The following TRPC3 variants were observed in gnomAD, a reference collection of about 807,000 sequenced individuals.
TRPC3 encodes the protein transient receptor potential cation channel subfamily C member 3.
TRPC3 carries 54 observed loss-of-function variants against 90.9 expected under a neutral mutation model. The observed-to-expected ratio is 0.59, with a 90% CI of 0.48 to 0.75. The LOEUF (loss-of-function observed/expected upper bound fraction) is 0.75, where lower values mean the gene tolerates loss of function less well. Ranked by LOEUF, TRPC3 falls within the 30% of genes least tolerant of loss-of-function variation. TRPC3 has a pLI of 0.00. For synonymous variants in TRPC3, 424 were observed against 450.9 expected (o/e 0.94, Z 0.75); for missense variants, 918 against 1,194.5 (o/e 0.77, Z 3.41).
At chr4:121,945,718 G>A (rs1201206947) in intron 1 of TRPC3, among the ~76,000 whole-genome samples, 1 of 152,148 alleles carries the variant, frequency 6.6e-6, no homozygotes, top group Non-Finnish European at 1.5e-5. Context: ...CACCCCTATG[G>A]GAGATAGGAT....
intron 1 of TRPC3, among the ~76,000 whole-genome samples, chr4:121,934,045 T>A (rs1730048195): frequency 1.3e-5 from 2 of 152,240 alleles, no homozygotes; most frequent in Admixed American, 1.3e-4. Context: ...GCACTAATTG[T>A]ACATCCAGAT....
In TRPC3 at chr4:121,932,146, T is replaced by C; in HGVS notation, c.987+125A>G. The C allele has an allele frequency of 7.0e-7, 1 of 1,427,112 alleles. No homozygotes were observed. 88.4% of individuals were successfully genotyped at this position (1,427,112 alleles called of 1,614,324 possible). On this transcript the variant is annotated intron_variant, in intron 2 of 11. Coordinates refer to ENST00000379645, the MANE Select transcript of TRPC3 (RefSeq NM_001130698.2). The surrounding 1 kb of genome is among the most constrained non-coding windows in gnomAD (Gnocchi z 7.7). ...GATGAGGTCTGAATGACGTTCTCAGTCCCTCGTGATTTCACATTCACTGGG... is the reference window on the plus strand; with the variant it reads ...GATGAGGTCTGAATGACGTTCTCAGCCCCTCGTGATTTCACATTCACTGGG...
At chr4:121,888,738 T>C (rs887080531) in intron 10 of TRPC3, among the ~76,000 whole-genome samples, 5 of 152,186 alleles carry the variant, frequency 3.3e-5, no homozygotes, top group Non-Finnish European at 7.4e-5. Context: ...TTACCTATTA[T>C]AATCAGGCTG....
At chr4:121,947,957 A>G (rs1236879644) in intron 1 of TRPC3, among the ~76,000 whole-genome samples, 1 of 152,036 alleles carries the variant, frequency 6.6e-6, no homozygotes, top group African/African-American at 2.4e-5. Context: ...CATCGATGTT[A>G]TTTCTTGCTG....
At chr4:121,883,925 T>G (rs929383639) in intron 10 of TRPC3, among the ~76,000 whole-genome samples, 1 of 152,126 alleles carries the variant, frequency 6.6e-6, no homozygotes, top group Non-Finnish European at 1.5e-5. Context: ...AGAAGTCCAC[T>G]TCTCAGTAAA....
intron 1 of TRPC3, among the ~76,000 whole-genome samples, chr4:121,944,707 A>G (rs1730430305): frequency 6.6e-6 from 1 of 151,914 alleles, no homozygotes; most frequent in African/African-American, 2.4e-5. Flanking sequence ...CTTTCCCCTT[A>G]CTCTTAGACC....
At chr4:121,904,698 A>G (rs527418494) in intron 7 of TRPC3, among the ~76,000 whole-genome samples, 181 bp from the exon 8 acceptor site, 2 of 152,282 alleles carry the variant, frequency 1.3e-5, no homozygotes, top group East Asian at 1.9e-4. Context: ...TCAGGTTTTC[A>G]GGAACTGATG....
intron 3 of TRPC3, among the ~76,000 whole-genome samples, chr4:121,919,140 A>G (rs892218737): frequency 3.3e-5 from 5 of 152,258 alleles, no homozygotes; most frequent in African/African-American, 1.2e-4. Context: ...AGAACAACTG[A>G]AATGTTTTTT....
chr4:121,914,785 T>C lies in TRPC3; in HGVS notation c.1336A>G (p.Ser446Gly). ...TAGATGTAGAAAGCAAGTACCCTGC[T>C]GCAAGGTGCGATCCAGTAGCCAATG... is the stretch of plus-strand genomic sequence containing the variant. ...LAIGYWIAPC[S>G]RLGKILRSPF... Residue 446 changes from serine (S) to glycine (G), a missense_variant, in exon 4 of 12, where the codon AGC becomes GGC. Coordinates refer to ENST00000379645, the MANE Select transcript of TRPC3 (RefSeq NM_001130698.2). 6.2e-7 allele frequency: 1 copy of C among 1,606,578 alleles called. No homozygotes were observed. Among genetic ancestry groups the C allele is most frequent in the Non-Finnish European group, 8.5e-7 (1 of 1,174,504 alleles).
intron 4 of TRPC3, among the ~76,000 whole-genome samples, chr4:121,912,803 A>C (rs937488343): frequency 3.9e-5 from 6 of 152,240 alleles, no homozygotes; most frequent in African/African-American, 1.4e-4. Context: ...AATTATTTTA[A>C]GGTGACTCCT....
At chr4:121,898,144 T>C (rs1407387302) in intron 10 of TRPC3, among the ~76,000 whole-genome samples, 3 of 152,140 alleles carry the variant, frequency 2.0e-5, no homozygotes, top group Admixed American at 1.3e-4. Flanking sequence ...GGACGAAGGA[T>C]ACTAGAGACT....
At chr4:121,893,660 A>C (rs915322913) in intron 10 of TRPC3, among the ~76,000 whole-genome samples, 1 of 152,126 alleles carries the variant, frequency 6.6e-6, no homozygotes, top group African/African-American at 2.4e-5. Flanking sequence ...TACAAAAATA[A>C]AAAAAGTTGT....
chr4:121,882,141 T>C (rs887252586), intron 11 of TRPC3, among the ~76,000 whole-genome samples: 2 of 152,142 alleles, frequency 1.3e-5, no homozygotes, highest in Non-Finnish European at 2.9e-5. Context: ...TAGGGCACTA[T>C]GAGTAGAGAT....
At chr4:121,930,419 G>T (rs1729865580) in intron 2 of TRPC3, among the ~76,000 whole-genome samples, 1 of 152,038 alleles carries the variant, frequency 6.6e-6, no homozygotes, top group Admixed American at 6.6e-5. Context: ...CCCCTGAAAG[G>T]TTATCAGAGG....
intron 8 of TRPC3, among the ~76,000 whole-genome samples, chr4:121,903,513 G>A (rs1469382505): frequency 6.6e-6 from 1 of 152,176 alleles, no homozygotes; most frequent in Non-Finnish European, 1.5e-5. Context: ...ATGATTCTCA[G>A]ATGAATTGCT....
intron 10 of TRPC3, among the ~76,000 whole-genome samples, chr4:121,883,011 A>G (rs927727124): frequency 6.6e-6 from 1 of 152,054 alleles, no homozygotes; most frequent in Non-Finnish European, 1.5e-5. Context: ...GTTATATTGC[A>G]TACGTTTCTC....
chr4:121,905,365 A>C (rs1258034682), intron 7 of TRPC3, among the ~76,000 whole-genome samples: 1 of 152,060 alleles, frequency 6.6e-6, no homozygotes, highest in Admixed American at 6.6e-5. Context: ...CTACCTAGAA[A>C]TACTTAACTG....
intron 2 of TRPC3, among the ~76,000 whole-genome samples, chr4:121,928,546 C>T (rs1353888322): frequency 2.0e-5 from 3 of 152,318 alleles, no homozygotes; most frequent in Non-Finnish European, 2.9e-5. Context: ...AATTCCACCA[C>T]GTTACTTCAC....
Position 121,930,741 on chromosome 4 carries a change from A to T in TRPC3, c.987+1530T>A, listed in dbSNP as rs557612512. ...ATTATGTTTTAATTACTGTTTCAAA[A>T]CAACAAAGTGATATTTACAAGTGCT... On this transcript the variant is annotated intron_variant, in intron 2 of 11. Coordinates refer to ENST00000379645, the MANE Select transcript of TRPC3 (RefSeq NM_001130698.2). The T allele has an allele frequency of 2.9e-5, 10 of 340,708 alleles. No homozygotes were observed. The East Asian group carries it at 5.2e-4, about 18-fold the overall frequency. 21.1% of individuals were successfully genotyped at this position (340,708 alleles called of 1,614,324 possible).
Sources: gnomAD v4.1 joint callset for allele counts (sites outside exome capture counted in the v4.1 genomes callset) on GRCh38, gnomAD v4.1.1 for gene constraint, Gnocchi (gnomAD v3.1) non-coding constraint, MANE v1.5 for transcripts, NCBI Gene and HGNC (gene_info 2026-07-23, HGNC 2026-07-21) for gene names.